Variants in FRMD3 observed in about 807,000 individuals in gnomAD.
FRMD3 encodes FERM domain containing 3.
In FRMD3, 33 loss-of-function variants were observed where a neutral mutation model predicts 70.2. That is an observed-to-expected ratio of 0.47 (90% CI 0.36 to 0.63). The LOEUF (loss-of-function observed/expected upper bound fraction) is 0.63. FRMD3 is among the 20% of genes least tolerant of loss of function. The probability of loss-of-function intolerance (pLI) is 0.00; values close to 1 mark genes in which losing one functional copy is unlikely to be tolerated. For missense variants in FRMD3, 632 were observed against 711.4 expected, an observed-to-expected ratio of 0.89 and a Z score of 1.27; for synonymous variants, 279 against 255.9, an observed-to-expected ratio of 1.09 and a Z score of -0.86.
Position 83,335,554 on chromosome 9 carries a change from C to T in FRMD3, c.558G>A (p.Leu186=). Residue 186 remains leucine (L), a synonymous_variant, in exon 6 of 14, where the codon CTG becomes CTA. Transcript: ENST00000304195. ...FEIFPKQSQK[L]ERKIVEIHKN... ...TATGAATTTCCACTATTTTTCTTTC[C>T]AGCTTCTGTGACTGCTTGGGGAAAA... 2.5e-6 allele frequency: 4 copies of T among 1,613,026 alleles called. No individual in the cohort carries two copies. In the South Asian group the frequency reaches 4.4e-5, roughly 18 times the overall value.
chr9:83,374,269 A>G (rs1276845115), intron 2 of FRMD3, among the ~76,000 whole-genome samples: 1 of 151,936 alleles, frequency 6.6e-6, no homozygotes, highest in East Asian at 1.9e-4. Context: ...GAAAAACTGA[A>G]TCGTCAAATT....
At chr9:83,565,909 C>T in the FRMD3 span, among the ~76,000 whole-genome samples, 5 of 152,184 alleles carry the variant, frequency 3.3e-5, no homozygotes, top group Non-Finnish European at 7.3e-5. Context: ...TTAGAGCTGG[C>T]TCTGCATACT....
intron 1 of FRMD3, among the ~76,000 whole-genome samples, chr9:83,420,827 T>A (rs1381775393): frequency 6.6e-6 from 1 of 151,688 alleles, no homozygotes; most frequent in Admixed American, 6.6e-5. Context: ...GTCAGCTCCC[T>A]CTCACTTTCC....
At chr9:83,334,211 A>C (rs1823498210) in intron 6 of FRMD3, among the ~76,000 whole-genome samples, 2 of 152,276 alleles carry the variant, frequency 1.3e-5, no homozygotes, top group Non-Finnish European at 2.9e-5. Flanking sequence ...AAAATAGCAA[A>C]AGAGTAGTGA....
chr9:83,405,486 G>A (rs1826073561), intron 1 of FRMD3, among the ~76,000 whole-genome samples: 1 of 152,038 alleles, frequency 6.6e-6, no homozygotes, highest in Admixed American at 6.5e-5. Context: ...ATAGAGCTGG[G>A]CACAGTGGCT....
At chr9:83,539,256 C>A (rs1055700022), upstream of FRMD3, among the ~76,000 whole-genome samples, 1 of 152,198 alleles carries the variant, frequency 6.6e-6, no homozygotes, top group Non-Finnish European at 1.5e-5. Context: ...GAATTCCCCA[C>A]GCGCCTCCAG....
chr9:83,575,487 A>AT, the FRMD3 span, among the ~76,000 whole-genome samples: 1 of 152,120 alleles, frequency 6.6e-6, no homozygotes, highest in African/African-American at 2.4e-5. Flanking sequence ...GGTCAGATGG[A>AT]TCAATCAATG....
In FRMD3 at chr9:83,440,920, T is replaced by C. The variant is rs564083863; in HGVS notation, c.148-51212A>G. On this transcript the variant is annotated intron_variant, in intron 1 of 13. Coordinates refer to ENST00000304195, the MANE Select transcript of FRMD3 (RefSeq NM_174938.6). ...CCTCTCCTTCAGGCACAGGACGGAA[T>C]TGTGCTTTCCAGCTCCATTTGCAGT... is the stretch of plus-strand genomic sequence containing the variant. Among the ~76,000 whole-genome samples the C allele has an allele frequency of 2.4e-3, 363 of 152,338 alleles. 1 individual carries two copies. The highest frequency in any genetic ancestry group is 8.3e-3 in the African/African-American group (344 of 41,572).
chr9:83,507,859 T>C (rs1829239783), intron 1 of FRMD3, among the ~76,000 whole-genome samples: 1 of 150,708 alleles, frequency 6.6e-6, no homozygotes, highest in South Asian at 2.1e-4. Context: ...ATAGTATATG[T>C]ATTTATATTA....
chr9:83,244,949 G>A lies in FRMD3; in HGVS notation c.*2969C>T. The A allele has an allele frequency of 1.0e-6, 1 of 983,478 alleles. No homozygotes were observed. The allele number at this position is 983,478 out of a possible 1,614,324, so 60.9% of individuals were successfully genotyped here. A position where few individuals can be genotyped will look rare whatever the true frequency, so the allele number is the denominator to read the frequency against. ...GCATTAGCACTAAAGGCAATATTGT[G>A]TGTGTATATGTATTTGCCATATGTG... On this transcript the variant is annotated 3_prime_UTR_variant, in exon 14 of 14. Coordinates refer to ENST00000304195, the MANE Select transcript of FRMD3 (RefSeq NM_174938.6).
At chr9:83,564,075 C>T in the FRMD3 span, among the ~76,000 whole-genome samples, 25 of 152,188 alleles carry the variant, frequency 1.6e-4, no homozygotes, top group African/African-American at 5.8e-4. Flanking sequence ...ATTTCAACCC[C>T]ATCTTCTCCC....
At chr9:83,577,448 G>A in the FRMD3 span, among the ~76,000 whole-genome samples, 2 of 152,128 alleles carry the variant, frequency 1.3e-5, no homozygotes, top group Non-Finnish European at 1.5e-5. Flanking sequence ...AAGACAATTC[G>A]ATGAGGGAAA....
At chr9:83,384,022 CA>C (rs1314944015) in intron 2 of FRMD3, among the ~76,000 whole-genome samples, 1 of 152,188 alleles carries the variant, frequency 6.6e-6, no homozygotes, top group African/African-American at 2.4e-5. Flanking sequence ...ACAATTGAAG[CA>C]CTGACAATAT....
chr9:83,381,485 G>T (rs1488618814), intron 2 of FRMD3, among the ~76,000 whole-genome samples: 1 of 152,040 alleles, frequency 6.6e-6, no homozygotes, highest in Non-Finnish European at 1.5e-5. Flanking sequence ...GAACCCGGGA[G>T]GCAGAGGTTG....
intron 1 of FRMD3, among the ~76,000 whole-genome samples, chr9:83,421,286 T>C (rs1396436289): frequency 2.6e-5 from 4 of 152,168 alleles, no homozygotes; most frequent in Non-Finnish European, 4.4e-5. Context: ...TATTCCTTTA[T>C]AGCAACAGGA....
chr9:83,293,719 T>C (rs1323776), intron 12 of FRMD3, among the ~76,000 whole-genome samples: 78,900 of 152,072 alleles, frequency 0.52, 21,684 homozygotes, highest in South Asian at 0.7. Flanking sequence ...CCTACATTCA[T>C]AGGCTCCTGT....
chr9:83,253,474 C>G (rs1007642607), intron 13 of FRMD3, among the ~76,000 whole-genome samples: 1 of 152,110 alleles, frequency 6.6e-6, no homozygotes, highest in Non-Finnish European at 1.5e-5. Flanking sequence ...AGACACTTCT[C>G]AAAAGAAGAC....
intron 3 of FRMD3, among the ~76,000 whole-genome samples, chr9:83,356,248 A>AT (rs1483901403): frequency 6.8e-6 from 1 of 147,812 alleles, no homozygotes; most frequent in Non-Finnish European, 1.5e-5. Context: ...GGATTTTTTG[A>AT]GAGAGAAGCA....
downstream of FRMD3, among the ~76,000 whole-genome samples, chr9:83,243,944 C>T (rs1168491415): frequency 6.6e-5 from 10 of 152,028 alleles, no homozygotes; most frequent in East Asian, 1.9e-4. Flanking sequence ...CTGACCAACA[C>T]GGAGGAACCC....
Sources: gnomAD v4.1 joint callset for allele counts (sites outside exome capture counted in the v4.1 genomes callset) on GRCh38, gnomAD v4.1.1 for gene constraint, MANE v1.5 for transcripts, NCBI Gene and HGNC (gene_info 2026-07-23, HGNC 2026-07-21) for gene names.